PTPRT: variants seen among roughly 807,000 people sequenced by gnomAD.
PTPRT encodes the protein receptor-type tyrosine-protein phosphatase T.
Under a neutral mutation model 176.8 loss-of-function variants are expected in PTPRT, and 56 were observed. That is an observed-to-expected ratio of 0.32 (90% confidence interval 0.26 to 0.40). The LOEUF (loss-of-function observed/expected upper bound fraction) is 0.40, where lower values mean the gene tolerates loss of function less well. PTPRT is among the 10% of genes least tolerant of loss of function. PTPRT has a pLI of 1.00. For missense variants in PTPRT, 1,540 were observed against 1,908.2 expected (o/e 0.81, Z 3.60); for synonymous variants, 783 against 739.0 (o/e 1.06, Z -0.96).
intron 1 of PTPRT, among the ~76,000 whole-genome samples, chr20:43,154,543 T>C (rs1284983744): frequency 1.3e-5 from 2 of 152,232 alleles, no homozygotes; most frequent in African/African-American, 4.8e-5. Flanking sequence ...GTGTTTTTTC[T>C]ATTTCTGTGA....
At chr20:42,986,896 C>A (rs1983614011) in intron 1 of PTPRT, among the ~76,000 whole-genome samples, 1 of 152,196 alleles carries the variant, frequency 6.6e-6, no homozygotes, top group South Asian at 2.1e-4. Context: ...ACAGACTCTC[C>A]TCTGGGAGAG....
chr20:42,137,610 T>G (rs1383198855), intron 18 of PTPRT, among the ~76,000 whole-genome samples: 1 of 152,186 alleles, frequency 6.6e-6, no homozygotes, highest in African/African-American at 2.4e-5. Context: ...CAGGGCACAG[T>G]CCATCTCTGG....
intron 9 of PTPRT, among the ~76,000 whole-genome samples, chr20:42,443,278 T>C (rs893661739): frequency 3.9e-5 from 6 of 152,226 alleles, no homozygotes; most frequent in Non-Finnish European, 7.3e-5. Flanking sequence ...TTTTATGCTT[T>C]AATGTACACA....
rs373132053 is a variant in PTPRT at position 43,103,352 on chromosome 20, G to A, written c.88+86294C>T. On this transcript the variant is annotated intron_variant, in intron 1 of 30. Transcript: ENST00000373187. The stretch of plus-strand genomic sequence containing the variant: ...GAGGTTAGAGACCCCAAGAGTGTAA[G>A]TACAATAGGAACCTACACTCTTGAT... 2.0e-5 allele frequency among the ~76,000 whole-genome samples: 3 copies of A among 152,290 alleles called. 1 individual carries two copies. The highest frequency in any genetic ancestry group is 7.2e-5 in the African/African-American group (3 of 41,566).
At position 42,730,825 on chromosome 20, in the gene PTPRT, T is replaced by G. The variant is rs149107072; in HGVS notation, c.859+25637A>C. Among the ~76,000 whole-genome samples the G allele has an allele frequency of 6.4e-4, 97 of 152,246 alleles. 2 individuals carry two copies. In the East Asian group the frequency reaches 0.018, roughly 28 times the overall value. On this transcript the variant is annotated intron_variant, in intron 6 of 30. Coordinates refer to ENST00000373187, the MANE Select transcript of PTPRT (RefSeq NM_007050.6). The stretch of plus-strand genomic sequence containing the variant: ...CCTCTAACCTCAGTTTGGGGGCAAT[T>G]CTAAAGGAGCATCCCAGCTCCTGGG...
At chr20:42,917,364 G>A (rs1978838539) in intron 1 of PTPRT, among the ~76,000 whole-genome samples, 1 of 152,172 alleles carries the variant, frequency 6.6e-6, no homozygotes, top group Admixed American at 6.5e-5. Context: ...GGTTACTGTA[G>A]TCTTGTAGTA....
the PTPRT span, among the ~76,000 whole-genome samples, chr20:42,054,406 C>G: frequency 6.6e-6 from 1 of 152,284 alleles, no homozygotes; most frequent in Non-Finnish European, 1.5e-5. Context: ...ACAGTAATTT[C>G]ATAAAAAGGA....
intron 1 of PTPRT, among the ~76,000 whole-genome samples, chr20:42,956,453 G>A (rs185304691): frequency 5.2e-4 from 73 of 141,402 alleles, no homozygotes; most frequent in African/African-American, 1.6e-3. Flanking sequence ...TACTCTAGCC[G>A]TGTGAGACAC....
At chr20:43,115,332 G>A (rs2013018103) in intron 1 of PTPRT, among the ~76,000 whole-genome samples, 1 of 152,210 alleles carries the variant, frequency 6.6e-6, no homozygotes, top group Non-Finnish European at 1.5e-5. Context: ...CCATGAGCCT[G>A]TGTGTCCAGC....
At chr20:42,085,433 C>T (rs923669309) in intron 28 of PTPRT, among the ~76,000 whole-genome samples, 1 of 152,188 alleles carries the variant, frequency 6.6e-6, no homozygotes, top group Non-Finnish European at 1.5e-5. Context: ...TCAACTCATG[C>T]CAGTACAGAG....
chr20:43,076,755 A>G (rs1471622002), intron 1 of PTPRT, among the ~76,000 whole-genome samples: 8 of 152,168 alleles, frequency 5.3e-5, no homozygotes, highest in Non-Finnish European at 1.0e-4. Context: ...GGCTTTCAGG[A>G]GAGCTTTGAT....
At chr20:42,418,829 C>T (rs1200622130) in intron 9 of PTPRT, among the ~76,000 whole-genome samples, 1 of 152,056 alleles carries the variant, frequency 6.6e-6, no homozygotes, top group African/African-American at 2.4e-5. Context: ...TGTAGGACAC[C>T]CTCCCCCGGC....
intron 1 of PTPRT, among the ~76,000 whole-genome samples, chr20:43,144,253 A>G (rs2014101701): frequency 6.6e-6 from 1 of 152,178 alleles, no homozygotes; most frequent in South Asian, 2.1e-4. Flanking sequence ...CACACTCTGA[A>G]TGCATGCAAA....
intron 27 of PTPRT, among the ~76,000 whole-genome samples, chr20:42,096,812 C>T (rs1985305567): frequency 7.2e-6 from 1 of 139,628 alleles, no homozygotes; most frequent in Non-Finnish European, 1.5e-5. Flanking sequence ...GTTGCCCAGG[C>T]TGGGCTTGAA....
rs869143761 is a variant in PTPRT at position 42,288,338 on chromosome 20, GTT to G, written c.2140-5815_2140-5814del. On this transcript the variant is annotated intron_variant, in intron 12 of 30. Transcript: ENST00000373187. ...GTCACAATAAAGGGAATTCTGCAGA[GTT>G]TTTTTGTTTTGTTTTGTTTTGTTTT... is the stretch of plus-strand genomic sequence containing the variant. Among the ~76,000 whole-genome samples, 64 of 90,750 alleles carry G rather than the reference GTT, an allele frequency of 7.1e-4. 1 individual carries two copies. The highest frequency in any genetic ancestry group is 1.1e-3 in the Non-Finnish European group (49 of 44,272). The allele number at this position is 90,750 out of a possible 152,430, so 59.5% of individuals were successfully genotyped here. A position where few individuals can be genotyped will look rare whatever the true frequency, so the allele number is the denominator to read the frequency against.
At chr20:42,381,310 G>A (rs977198188) in intron 9 of PTPRT, among the ~76,000 whole-genome samples, 5 of 152,160 alleles carry the variant, frequency 3.3e-5, no homozygotes, top group Non-Finnish European at 5.9e-5. Context: ...CAAAACGTGA[G>A]CAGAAGTGAC....
intron 9 of PTPRT, among the ~76,000 whole-genome samples, chr20:42,417,258 G>C (rs2059074505): frequency 6.6e-6 from 1 of 152,100 alleles, no homozygotes; most frequent in Non-Finnish European, 1.5e-5. Context: ...TGCAAACACT[G>C]GATAAGATAC....
At chr20:42,396,751 G>A (rs919174122) in intron 9 of PTPRT, among the ~76,000 whole-genome samples, 3 of 152,102 alleles carry the variant, frequency 2.0e-5, no homozygotes, top group African/African-American at 4.8e-5. Context: ...TAGTAGAGAC[G>A]GGGTTTCACC....
chr20:42,591,924 GTC>G (rs1375442460), intron 7 of PTPRT, among the ~76,000 whole-genome samples: 6 of 150,558 alleles, frequency 4.0e-5, no homozygotes, highest in African/African-American at 1.2e-4. Context: ...TTCGTTCTTA[GTC>G]TCTGTGGCCA....
Sources: allele counts gnomAD v4.1 joint callset (sites outside exome capture counted in the v4.1 genomes callset), GRCh38; gene constraint gnomAD v4.1.1; transcripts MANE v1.5; gene names NCBI Gene and HGNC (gene_info 2026-07-23, HGNC 2026-07-21).